Variants in FAM227B observed in about 807,000 individuals in gnomAD.
FAM227B encodes the protein family with sequence similarity 227 member B.
In FAM227B, 88 loss-of-function variants were observed where a neutral mutation model predicts 73.8. That is an observed-to-expected ratio of 1.19 (90% confidence interval 1.00 to 1.42). FAM227B has a LOEUF of 1.42. FAM227B is among the 40% of genes most tolerant of loss of function. FAM227B has a pLI of 0.00. For synonymous variants in FAM227B, 210 were observed against 190.5 expected, an observed-to-expected ratio of 1.10 and a Z score of -0.84; for missense variants, 632 against 590.9, an observed-to-expected ratio of 1.07 and a Z score of -0.72.
At chr15:49,612,427 T>C (rs532189689) in intron 2 of FAM227B, among the ~76,000 whole-genome samples, 1 of 152,310 alleles carries the variant, frequency 6.6e-6, no homozygotes, top group Admixed American at 6.5e-5. Flanking sequence ...GAACTCATCA[T>C]TTTTTATGGC....
intron 11 of FAM227B, among the ~76,000 whole-genome samples, chr15:49,473,398 C>A (rs1377782146): frequency 6.6e-6 from 1 of 152,024 alleles, no homozygotes. Context: ...TAAAATAACT[C>A]CAAAATTCGC....
intron 11 of FAM227B, among the ~76,000 whole-genome samples, chr15:49,467,764 G>A (rs1301071112): frequency 6.6e-6 from 1 of 152,122 alleles, no homozygotes; most frequent in Admixed American, 6.6e-5. Flanking sequence ...TAAACAAAGA[G>A]TATTTCCTCC....
rs762878568 is a variant in FAM227B at position 49,588,083 on chromosome 15, C to A, written c.338G>T (p.Ser113Ile). Residue 113 changes from serine (S) to isoleucine (I), a missense_variant and splice_region_variant, in exon 5 of 16, where the codon AGT becomes ATT. Physicochemically the swap from Ser to Ile is moderately radical, Grantham distance 142 (BLOSUM62 -2). Transcript: ENST00000299338. ...FKWKSMISET[S>I]SYRKLERYGE... Reference sequence around the variant, plus strand: ...ATATCGTTCCAATTTTCTATAAGAACCTTTAAGAAAATAAGAATTCACAGT... The same window carrying A: ...ATATCGTTCCAATTTTCTATAAGAAACTTTAAGAAAATAAGAATTCACAGT... 7.2e-7 allele frequency: 1 copy of A among 1,391,618 alleles called. No homozygotes were observed. Among genetic ancestry groups the A allele is most frequent in the Non-Finnish European group, 9.6e-7 (1 of 1,041,622 alleles). The allele number at this position is 1,391,618 out of a possible 1,614,324, so 86.2% of individuals were successfully genotyped here. A position where few individuals can be genotyped will look rare whatever the true frequency, so the allele number is the denominator to read the frequency against.
chr15:49,562,194 T>C (rs1162506055), intron 9 of FAM227B, among the ~76,000 whole-genome samples: 1 of 151,906 alleles, frequency 6.6e-6, no homozygotes, highest in African/African-American at 2.4e-5. Context: ...AAAAATACAA[T>C]AGATTCTCAG....
chr15:49,328,243 T>A lies in FAM227B; in HGVS notation c.*325A>T. 1 of 1,497,472 alleles carries A rather than the reference T, an allele frequency of 6.7e-7. No individual in the cohort carries two copies. Among genetic ancestry groups the A allele is most frequent in the Non-Finnish European group, 8.9e-7 (1 of 1,122,236 alleles). The allele number at this position is 1,497,472 out of a possible 1,614,324, so 92.8% of individuals were successfully genotyped here. On this transcript the variant is annotated 3_prime_UTR_variant, in exon 16 of 16. Transcript: ENST00000299338. ...CTGTGCCACAGTAAATTAATCTTCC[T>A]TCTGTTTTGTATTATGATGAACGGT...
intron 8 of FAM227B, among the ~76,000 whole-genome samples, chr15:49,574,514 C>A (rs1327345207): frequency 6.6e-6 from 1 of 152,136 alleles, no homozygotes; most frequent in East Asian, 1.9e-4. Flanking sequence ...GAAGAAGGTG[C>A]CTGCTTCCCT....
chr15:49,434,351 G>C (rs2050892663), intron 11 of FAM227B: 1 of 151,328 alleles, frequency 6.6e-6, no homozygotes, highest in Non-Finnish European at 1.5e-5. Context: ...GAATGCAATA[G>C]TAAGCAAATA....
At chr15:49,454,081 C>T (rs1197741606) in intron 11 of FAM227B, among the ~76,000 whole-genome samples, 2 of 152,038 alleles carry the variant, frequency 1.3e-5, no homozygotes, top group Non-Finnish European at 2.9e-5. Flanking sequence ...GTCAGACAGG[C>T]GTAGGTTTGA....
chr15:49,481,031 A>C lies in FAM227B; in HGVS notation c.1012+27180T>G, dbSNP rs575524043. Among the ~76,000 whole-genome samples, 126 of 152,354 alleles carry C rather than the reference A, an allele frequency of 8.3e-4. 3 individuals are homozygous for C. In the South Asian group the frequency reaches 0.025, roughly 31 times the overall value. On this transcript the variant is annotated intron_variant, in intron 11 of 15. Transcript: ENST00000299338. ...ATAACTGATCATGAAAGACACTCTA[A>C]ACTTGTGCATCAGCATTCTCTTTTT...
At chr15:49,360,540 C>T (rs1045834252) in intron 13 of FAM227B, among the ~76,000 whole-genome samples, 1 of 148,876 alleles carries the variant, frequency 6.7e-6, no homozygotes, top group African/African-American at 2.5e-5. Context: ...AGTCTCAACA[C>T]ATAAAGGGCT....
Position 49,501,227 on chromosome 15 carries a change from CAGA to C in FAM227B, c.1012+6981_1012+6983del, listed in dbSNP as rs1175609457. On this transcript the variant is annotated intron_variant, in intron 11 of 15. Transcript: ENST00000299338. ...AGAGGCTGGAAGAGTGTGGAAGGCT[CAGA>C]AGAAGACAGGAAGATGAGGGAAAGT... Among the ~76,000 whole-genome samples the C allele has an allele frequency of 2.6e-5, 4 of 152,046 alleles. No homozygotes were observed. The East Asian group carries it at 5.8e-4, about 22-fold the overall frequency.
intron 11 of FAM227B, among the ~76,000 whole-genome samples, chr15:49,445,750 A>G (rs1399454766): frequency 6.6e-6 from 1 of 151,596 alleles, no homozygotes; most frequent in Admixed American, 6.6e-5. Flanking sequence ...AACTGCAGGT[A>G]TCTGTTTAAA....
At chr15:49,612,698 G>T (rs1215653348) in intron 2 of FAM227B, among the ~76,000 whole-genome samples, 2 of 152,042 alleles carry the variant, frequency 1.3e-5, no homozygotes, top group African/African-American at 4.8e-5. Context: ...TCACTGAAAA[G>T]ATTGTACTAC....
At chr15:49,380,060 C>A (rs2046421633) in intron 11 of FAM227B, among the ~76,000 whole-genome samples, 1 of 152,190 alleles carries the variant, frequency 6.6e-6, no homozygotes, top group Admixed American at 6.5e-5. Flanking sequence ...AGAAGTCTAA[C>A]TGGTATTCTA....
intron 13 of FAM227B, chr15:49,366,069 T>C (rs2045131457): frequency 3.7e-6 from 3 of 821,588 alleles, no homozygotes; most frequent in Admixed American, 3.4e-5. Flanking sequence ...CTCATTTATC[T>C]ATCTTCAGTT....
intron 3 of FAM227B, among the ~76,000 whole-genome samples, chr15:49,596,826 G>A (rs757149952): frequency 6.6e-6 from 1 of 151,852 alleles, no homozygotes; most frequent in Non-Finnish European, 1.5e-5. Context: ...AGCTATTCTT[G>A]TATCAGACAA....
At chr15:49,500,573 G>A (rs1488004328) in intron 11 of FAM227B, among the ~76,000 whole-genome samples, 5 of 152,312 alleles carry the variant, frequency 3.3e-5, no homozygotes, top group African/African-American at 7.2e-5. Flanking sequence ...TATAACTCAC[G>A]AGAATAGCTA....
At chr15:49,463,542 T>C (rs1026091021) in intron 11 of FAM227B, among the ~76,000 whole-genome samples, 10 of 134,752 alleles carry the variant, frequency 7.4e-5, no homozygotes, top group African/African-American at 2.9e-4. Context: ...CACAGTGAGA[T>C]TCCGTCTCAA....
chr15:49,416,275 G>A (rs975606020), intron 11 of FAM227B, among the ~76,000 whole-genome samples: 8 of 151,694 alleles, frequency 5.3e-5, no homozygotes, highest in African/African-American at 1.5e-4. Flanking sequence ...ATCTGGCACC[G>A]AGTATCTATT....
Sources: gnomAD v4.1 joint callset for allele counts (sites outside exome capture counted in the v4.1 genomes callset) on GRCh38, gnomAD v4.1.1 for gene constraint, MANE v1.5 for transcripts, NCBI Gene and HGNC (gene_info 2026-07-23, HGNC 2026-07-21) for gene names.